The following GAK variants were observed in gnomAD, a reference collection of about 807,000 sequenced individuals.
GAK encodes cyclin G associated kinase, also known as cyclin-G-associated kinase.
GAK carries 79 observed loss-of-function variants against 143.9 expected under a neutral mutation model. That is an observed-to-expected ratio of 0.55 (90% CI 0.46 to 0.66). GAK has a LOEUF of 0.66. GAK is among the 30% of genes least tolerant of loss of function. GAK has a pLI of 0.00. For synonymous variants in GAK, 881 were observed against 765.5 expected (o/e 1.15, Z -2.49); for missense variants, 1,693 against 1,779.7 (o/e 0.95, Z 0.88).
chr4:909,212 ACAC>A (rs1385622464), intron 4 of GAK, among the ~76,000 whole-genome samples: 1 of 152,254 alleles, frequency 6.6e-6, no homozygotes, highest in Non-Finnish European at 1.5e-5. Context: ...CTGACAAGTA[ACAC>A]CACGAGCGGG....
At chr4:891,103 C>A (rs758341790) in intron 9 of GAK, among the ~76,000 whole-genome samples, 2 of 152,068 alleles carry the variant, frequency 1.3e-5, no homozygotes, top group Non-Finnish European at 2.9e-5. Context: ...GGACTACAGG[C>A]ATGCGCCACC....
At chr4:853,345 G>C (rs1028190706) in intron 24 of GAK, 4 of 152,292 alleles carry the variant, frequency 2.6e-5, no homozygotes, top group African/African-American at 9.6e-5. Flanking sequence ...TTACGGACTT[G>C]TGTGTGAATG....
rs560030370 is a variant in GAK, at chr4:891,821, C to T, written c.991-1199G>A. Among the ~76,000 whole-genome samples the T allele has an allele frequency of 2.3e-4, 35 of 152,286 alleles. 4 individuals are homozygous for T. The East Asian group carries it at 2.7e-3, about 12-fold the overall frequency. ...AGGCCCAGGCTGCTAAAGAGCAGGA[C>T]GGCCCAGGAGTGATCCCTTCCTGCC... On this transcript the variant is annotated intron_variant, in intron 9 of 27. Transcript: ENST00000314167.
chr4:868,313 G>A (rs191095270), intron 20 of GAK, among the ~76,000 whole-genome samples: 1 of 152,284 alleles, frequency 6.6e-6, no homozygotes, highest in East Asian at 1.9e-4. Flanking sequence ...TGTTATTTCA[G>A]ACTTTGTGGG....
chr4:876,660 T>C, intron 17 of GAK, 51 bp from the exon 18 acceptor site: 1 of 1,553,670 alleles, frequency 6.4e-7, no homozygotes, highest in Non-Finnish European at 8.9e-7. Flanking sequence ...ATCCAGATCC[T>C]GGGGCCACAG....
chr4:877,347 C>T lies in GAK; in HGVS notation c.1857-140G>A. The T allele has an allele frequency of 4.4e-6, 3 of 679,992 alleles. No homozygotes were observed. The South Asian group carries it at 5.7e-5, about 13-fold the overall frequency. The allele number at this position is 679,992 out of a possible 1,614,324, so 42.1% of individuals were successfully genotyped here. A position where few individuals can be genotyped will look rare whatever the true frequency, so the allele number is the denominator to read the frequency against. On this transcript the variant is annotated intron_variant, in intron 16 of 27. Transcript: ENST00000314167. Reference sequence around the variant, plus strand: ...AAAGAATAACCCCCATGAAGAGCCTCACAAGAATTCTAAAGTCTCCTGGGC... The same window carrying T: ...AAAGAATAACCCCCATGAAGAGCCTTACAAGAATTCTAAAGTCTCCTGGGC...
At chr4:921,693 T>G (rs1384043868) in intron 1 of GAK, among the ~76,000 whole-genome samples, 3 of 152,022 alleles carry the variant, frequency 2.0e-5, no homozygotes, top group African/African-American at 7.2e-5. Context: ...GTTTGTTTTT[T>G]TTTTTTAATT....
intron 10 of GAK, among the ~76,000 whole-genome samples, chr4:890,038 G>A (rs535732343): frequency 7.2e-5 from 11 of 152,314 alleles, no homozygotes; most frequent in African/African-American, 2.6e-4. Context: ...TGTAGTAAAT[G>A]GTTCACCTTG....
chr4:909,744 G>A (rs973617526), intron 4 of GAK, among the ~76,000 whole-genome samples: 8 of 152,318 alleles, frequency 5.3e-5, no homozygotes, highest in Non-Finnish European at 8.8e-5. Context: ...CGTGGGACAC[G>A]CTCAAGTCTG....
chr4:873,987 C>T (rs934465106), intron 18 of GAK, among the ~76,000 whole-genome samples: 18 of 152,132 alleles, frequency 1.2e-4, no homozygotes, highest in African/African-American at 4.1e-4. Context: ...GTTGTTCTGG[C>T]GAATTCATCA....
chr4:929,847 A>G (rs1239958958), intron 1 of GAK, among the ~76,000 whole-genome samples: 1 of 152,266 alleles, frequency 6.6e-6, no homozygotes, highest in East Asian at 1.9e-4. Flanking sequence ...ATCCTGGTCT[A>G]TCATAATAAC....
chr4:877,859 C>T (rs1419615693), intron 15 of GAK, 50 bp from the exon 16 acceptor site: 1 of 1,470,302 alleles, frequency 6.8e-7, no homozygotes, highest in Admixed American at 2.5e-5. Flanking sequence ...GAGAGGGGAC[C>T]ACACAGCTGA....
At chr4:862,187 G>A (rs1163660110) in intron 23 of GAK, among the ~76,000 whole-genome samples, 2 of 151,948 alleles carry the variant, frequency 1.3e-5, no homozygotes, top group Non-Finnish European at 2.9e-5. Flanking sequence ...GATATGAGAC[G>A]GCCTAAGTCA....
chr4:870,634 A>T lies in GAK; in HGVS notation c.2248+77T>A. 10 of 1,467,578 alleles carry T rather than the reference A, an allele frequency of 6.8e-6. No individual in the cohort carries two copies. The South Asian group carries it at 1.2e-4, about 17-fold the overall frequency. 90.9% of individuals were successfully genotyped at this position (1,467,578 alleles called of 1,614,324 possible). A position where few individuals can be genotyped will look rare whatever the true frequency, so the allele number is the denominator to read the frequency against. On this transcript the variant is annotated intron_variant, in intron 19 of 27. Coordinates refer to ENST00000314167, the MANE Select transcript of GAK (RefSeq NM_005255.4). The stretch of plus-strand genomic sequence containing the variant: ...CAGGCGTGGGGCCCAGCCCTGCCAG[A>T]GCTCAGCCAAAGGTGTCTCTCTCCA...
chr4:891,011 G>A (rs1717535566), intron 9 of GAK, among the ~76,000 whole-genome samples: 1 of 151,592 alleles, frequency 6.6e-6, no homozygotes, highest in Non-Finnish European at 1.5e-5. Flanking sequence ...GTGCTGGAGG[G>A]CTGTGGCACG....
At chr4:905,688 C>G (rs191542138) in intron 4 of GAK, among the ~76,000 whole-genome samples, 1 of 152,152 alleles carries the variant, frequency 6.6e-6, no homozygotes, top group East Asian at 1.9e-4. Context: ...TTACAGACGC[C>G]ACACCACACT....
intron 5 of GAK, among the ~76,000 whole-genome samples, chr4:898,424 G>A (rs1402939355): frequency 6.6e-6 from 1 of 152,222 alleles, no homozygotes; most frequent in African/African-American, 2.4e-5. Flanking sequence ...AGGGGCTGAG[G>A]GATTTCACAG....
At chr4:921,719 G>A (rs1249132827) in intron 1 of GAK, among the ~76,000 whole-genome samples, 1 of 151,530 alleles carries the variant, frequency 6.6e-6, no homozygotes, top group Non-Finnish European at 1.5e-5. Context: ...GTCTGAGTTT[G>A]CGTCCAAAAA....
At chr4:904,446 G>A (rs926950905) in intron 5 of GAK, among the ~76,000 whole-genome samples, 191 bp downstream of exon 5, 10 of 151,166 alleles carry the variant, frequency 6.6e-5, no homozygotes, top group South Asian at 2.1e-4. Flanking sequence ...AGCGGGACCC[G>A]CACACAGAGG....
Sources: allele counts gnomAD v4.1 joint callset (sites outside exome capture counted in the v4.1 genomes callset), GRCh38; gene constraint gnomAD v4.1.1; transcripts MANE v1.5; gene names NCBI Gene and HGNC (gene_info 2026-07-23, HGNC 2026-07-21).